The following BCHE variants were observed in gnomAD, a reference collection of about 807,000 sequenced individuals.
BCHE encodes the protein butyrylcholinesterase, also known as cholinesterase.
A neutral mutation model predicts 51.3 loss-of-function variants in BCHE; 48 were observed. That is an observed-to-expected ratio of 0.94 (90% CI 0.74 to 1.19). BCHE has a LOEUF of 1.19. Ranked by LOEUF, BCHE falls within the 50% of genes most tolerant of loss-of-function variation. The pLI is 0.00. For synonymous variants in BCHE, 251 were observed against 238.0 expected, an observed-to-expected ratio of 1.05 and a Z score of -0.50; for missense variants, 847 against 708.2, an observed-to-expected ratio of 1.20 and a Z score of -2.23.
chr3:165,809,263 C>T (rs1713988086), intron 2 of BCHE, among the ~76,000 whole-genome samples: 1 of 151,990 alleles, frequency 6.6e-6, no homozygotes, highest in African/African-American at 2.4e-5. Context: ...CAACATTAAG[C>T]CAATATAAGC....
intron 2 of BCHE, among the ~76,000 whole-genome samples, chr3:165,787,652 C>A (rs965912727): frequency 6.6e-6 from 1 of 151,890 alleles, no homozygotes; most frequent in East Asian, 1.9e-4. Flanking sequence ...TAATCTACTT[C>A]TTAGTTCAAA....
intron 2 of BCHE, among the ~76,000 whole-genome samples, chr3:165,817,023 C>G (rs887752866): frequency 3.3e-5 from 5 of 151,970 alleles, no homozygotes; most frequent in African/African-American, 9.7e-5. Context: ...GTCCCTTAAA[C>G]TTGAAATGTC....
At chr3:165,808,342 A>C (rs1426455595) in intron 2 of BCHE, among the ~76,000 whole-genome samples, 1 of 152,014 alleles carries the variant, frequency 6.6e-6, no homozygotes, top group Non-Finnish European at 1.5e-5. Flanking sequence ...CTAGTCATTA[A>C]TTTATATATG....
At chr3:165,829,185 T>G (rs1714851126) in intron 2 of BCHE, among the ~76,000 whole-genome samples, 1 of 152,100 alleles carries the variant, frequency 6.6e-6, no homozygotes, top group Non-Finnish European at 1.5e-5. Flanking sequence ...AACTTGCAGG[T>G]TAAAAAGTAT....
At position 165,786,219 on chromosome 3, in the gene BCHE, C is replaced by T; in HGVS notation, c.1610G>A (p.Arg537Lys). ...TTGAGCACGTAGTTTCGTCATTATT[C>T]TTGTTGACTCTGTATTCAAGGTTAG... is the stretch of plus-strand genomic sequence containing the variant. ...KYLTLNTEST[R>K]IMTKLRAQQC... The change falls in exon 3 of 4, where the codon AGA (arginine) becomes AAA (lysine). Residue 537 changes from arginine (R) to lysine (K), a missense_variant. Physicochemically the swap from Arg to Lys is conservative, Grantham distance 26. Coordinates refer to ENST00000264381, the MANE Select transcript of BCHE (RefSeq NM_000055.4). 6.2e-7 allele frequency: 1 copy of T among 1,612,160 alleles called. No homozygotes were observed.
intron 1 of BCHE, among the ~76,000 whole-genome samples, chr3:165,834,569 G>A (rs1057200007): frequency 6.6e-6 from 1 of 151,770 alleles, no homozygotes; most frequent in African/African-American, 2.4e-5. Context: ...TTTTAAATAA[G>A]CATCACTTTG....
At chr3:165,804,056 GA>G (rs11447348) in intron 2 of BCHE, among the ~76,000 whole-genome samples, 325 of 146,952 alleles carry the variant, frequency 2.2e-3, no homozygotes, top group African/African-American at 7.6e-3. Context: ...AGAAAGGTTA[GA>G]AAAAAAAAAA....
chr3:165,794,724 G>A (rs551842758), intron 2 of BCHE, among the ~76,000 whole-genome samples: 8 of 152,258 alleles, frequency 5.3e-5, no homozygotes, highest in African/African-American at 1.9e-4. Flanking sequence ...AAGCACACAA[G>A]CTTTCAGCCT....
chr3:165,825,835 G>A (rs1193079346), intron 2 of BCHE, among the ~76,000 whole-genome samples: 1 of 151,908 alleles, frequency 6.6e-6, no homozygotes, highest in Non-Finnish European at 1.5e-5. Context: ...ATAAAAATTG[G>A]CAAAAGACTT....
Position 165,830,103 on chromosome 3 carries a change from C to T in BCHE, c.931G>A (p.Gly311Arg). 6.2e-7 allele frequency: 1 copy of T among 1,613,768 alleles called. No homozygotes were observed. The highest frequency in any genetic ancestry group is 8.5e-7 in the Non-Finnish European group (1 of 1,179,870). ...LLNEAFVVPY[G>R]TPLSVNFGPT... is the part of the protein sequence containing the mutation. The stretch of plus-strand genomic sequence containing the variant: ...CCAAAGTTTACTGACAAAGGAGTCC[C>T]ATAGGGGACAACAAATGCTTCATTC... Residue 311 changes from glycine (G) to arginine (R), a missense_variant, in exon 2 of 4, where the codon GGG (glycine) becomes AGG (arginine). Physicochemically the swap from Gly to Arg is moderately radical, Grantham distance 125. Transcript: ENST00000264381.
rs12053993 is a variant in BCHE, at chr3:165,831,312, T to C, written c.-8-271A>G. 3.2e-4 allele frequency among the ~76,000 whole-genome samples: 48 copies of C among 152,252 alleles called. No individual in the cohort carries two copies. The East Asian group carries it at 9.1e-3, about 29-fold the overall frequency. ...ATCTTTGTAAGGAAGAGCTAGTATT[T>C]TAAATAGAATGTTTGTCCTAGCCAA... On this transcript the variant is annotated intron_variant, in intron 1 of 3. Coordinates refer to ENST00000264381, the MANE Select transcript of BCHE (RefSeq NM_000055.4).
At chr3:165,782,248 TTTAAGA>T (rs1221562558) in intron 3 of BCHE, among the ~76,000 whole-genome samples, 1 of 152,098 alleles carries the variant, frequency 6.6e-6, no homozygotes, top group African/African-American at 2.4e-5. Flanking sequence ...ATTTTAGTAC[TTTAAGA>T]TTATTTCAAA....
At chr3:165,782,263 A>C (rs903470686) in intron 3 of BCHE, among the ~76,000 whole-genome samples, 1 of 152,076 alleles carries the variant, frequency 6.6e-6, no homozygotes, top group African/African-American at 2.4e-5. Flanking sequence ...GATTATTTCA[A>C]ATGTCACCAA....
chr3:165,783,292 A>G lies in BCHE; in HGVS notation c.1684+2853T>C, dbSNP rs902207756. 2.7e-5 allele frequency among the ~76,000 whole-genome samples: 4 copies of G among 145,502 alleles called. No individual in the cohort carries two copies. The East Asian group carries it at 7.7e-4, about 28-fold the overall frequency. ...GAGCATGGGGTAAGAACATAGAGTG[A>G]ACTAGTATAAACTTAGGCTAGGCTT... is the stretch of plus-strand genomic sequence containing the variant. On this transcript the variant is annotated intron_variant, in intron 3 of 3. Coordinates refer to ENST00000264381, the MANE Select transcript of BCHE (RefSeq NM_000055.4).
chr3:165,781,464 C>A lies in BCHE; in HGVS notation c.1684+4681G>T, dbSNP rs1243304103. Among the ~76,000 whole-genome samples the A allele has an allele frequency of 2.6e-5, 4 of 152,042 alleles. No individual in the cohort carries two copies. The East Asian group carries it at 7.8e-4, about 30-fold the overall frequency. ...GGATGAAGATGGAAGCCACCATCAT[C>A]AGCAAACTAACACAACTAACACAGG... On this transcript the variant is annotated intron_variant, in intron 3 of 3. Coordinates refer to ENST00000264381, the MANE Select transcript of BCHE (RefSeq NM_000055.4).
intron 2 of BCHE, among the ~76,000 whole-genome samples, chr3:165,828,231 G>A (rs1714805225): frequency 6.6e-6 from 1 of 152,104 alleles, no homozygotes; most frequent in African/African-American, 2.4e-5. Context: ...AGAGGAAAGA[G>A]GTAGGTGTTC....
chr3:165,817,539 T>C (rs1714357269), intron 2 of BCHE, among the ~76,000 whole-genome samples: 1 of 152,098 alleles, frequency 6.6e-6, no homozygotes, highest in Admixed American at 6.6e-5. Context: ...ACTATCTTTC[T>C]TGCTGTTCCT....
chr3:165,794,159 C>T (rs112945277), intron 2 of BCHE, among the ~76,000 whole-genome samples: 15 of 151,936 alleles, frequency 9.9e-5, no homozygotes, highest in African/African-American at 3.4e-4. Flanking sequence ...AATTTTATTA[C>T]AGCAATTTAA....
intron 2 of BCHE, among the ~76,000 whole-genome samples, chr3:165,819,559 G>C (rs963145717): frequency 6.6e-6 from 1 of 151,888 alleles, no homozygotes; most frequent in Non-Finnish European, 1.5e-5. Context: ...TTTTTATATG[G>C]TTTATACAAT....
Sources: allele counts gnomAD v4.1 joint callset (sites outside exome capture counted in the v4.1 genomes callset), GRCh38; gene constraint gnomAD v4.1.1; transcripts MANE v1.5; gene names NCBI Gene and HGNC (gene_info 2026-07-23, HGNC 2026-07-21).